The following LLGL2 variants were observed in gnomAD, a reference collection of about 807,000 sequenced individuals.
The protein encoded by LLGL2 is LLGL scribble cell polarity complex component 2.
Under a neutral mutation model 123.2 loss-of-function variants are expected in LLGL2, and 81 were observed. That is an observed-to-expected ratio of 0.66 (90% CI 0.55 to 0.79). The LOEUF is 0.79. LLGL2 is among the 30% of genes least tolerant of loss of function. The pLI is 0.00. For missense variants in LLGL2, 1,273 were observed against 1,414.6 expected (o/e 0.90, Z 1.61); for synonymous variants, 577 against 594.1 (o/e 0.97, Z 0.42).
In LLGL2 at chr17:75,549,906, C is replaced by T. The variant is rs9910576; in HGVS notation, c.76-6140C>T. Among the ~76,000 whole-genome samples the T allele has an allele frequency of 0.32, 48,769 of 152,160 alleles. 8,785 individuals are homozygous for T. Among genetic ancestry groups the T allele is most frequent in the South Asian group, 0.57 (2,769 of 4,828 alleles). ...GCCCAGGAGAGACGGGCCTTCTCCC[C>T]TACTCCAGGCTAACGTTGCAGTCTG... On this transcript the variant is annotated intron_variant, in intron 2 of 25. Transcript: ENST00000392550. The surrounding 1 kb of genome is among the most constrained non-coding windows in gnomAD (Gnocchi z 4.0).
At position 75,569,090 on chromosome 17, in the gene LLGL2, T is replaced by C. The variant is rs1671021; in HGVS notation, c.1435T>C (p.Phe479Leu). The C allele has an allele frequency of 0.38, 615,932 of 1,612,362 alleles. 128,083 individuals carry two copies. Among genetic ancestry groups the C allele is most frequent in the African/African-American group, 0.84 (62,762 of 74,970 alleles). The change falls in exon 13 of 26, where the codon TTC becomes CTC. Residue 479 changes from phenylalanine to leucine, a missense_variant. Physicochemically the swap from Phe to Leu is conservative, Grantham distance 22. Transcript: ENST00000392550. The part of the protein sequence containing the change: ...FLTDTDPNEN[F>L]SAQGEDEWPP... ...CACCGACACGGACCCCAACGAGAAC[T>C]TCAGTGCCCAGGGCGAGGACGAGTG...
chr17:75,534,745 TG>T (rs2053937886), intron 1 of LLGL2, among the ~76,000 whole-genome samples: 1 of 152,188 alleles, frequency 6.6e-6, no homozygotes, highest in Admixed American at 6.5e-5. Context: ...CCTCCCAAAG[TG>T]CTGGGATTAC....
intron 1 of LLGL2, among the ~76,000 whole-genome samples, chr17:75,535,562 C>T (rs1057152535): frequency 3.9e-5 from 6 of 152,238 alleles, no homozygotes; most frequent in African/African-American, 1.4e-4. Context: ...TTGGCCAAGC[C>T]TTGGTCTCAC....
At chr17:75,560,327 C>A (rs1327056578) in intron 6 of LLGL2, among the ~76,000 whole-genome samples, 1 of 152,242 alleles carries the variant, frequency 6.6e-6, no homozygotes, top group Non-Finnish European at 1.5e-5. Context: ...CACAGTGGGA[C>A]ACAGCCTGTG....
chr17:75,573,841 T>G, intron 21 of LLGL2, 111 bp from the exon 22 acceptor site: 3 of 1,370,266 alleles, frequency 2.2e-6, no homozygotes, highest in Middle Eastern at 3.6e-4. Flanking sequence ...CCTCCCAGGC[T>G]CTCCGGCTCA....
At position 75,556,153 on chromosome 17, in the gene LLGL2, G is replaced by A. The variant is rs568230637; in HGVS notation, c.173+10G>A. The A allele has an allele frequency of 2.7e-4, 434 of 1,603,376 alleles. 1 individual carries two copies. In the South Asian group the frequency reaches 4.0e-3, roughly 15 times the overall value. On this transcript the variant is annotated intron_variant, in intron 3 of 25. Coordinates refer to ENST00000392550, the MANE Select transcript of LLGL2 (RefSeq NM_001031803.2). ...CTGGAGCCATCAAGCTGTATCCTCCGTCCCCTCGCTCCCACTCGGGCAGGG... is the reference window on the plus strand; with the variant it reads ...CTGGAGCCATCAAGCTGTATCCTCCATCCCCTCGCTCCCACTCGGGCAGGG...
chr17:75,564,402 G>A lies in LLGL2; in HGVS notation c.931G>A (p.Asp311Asn). ...TGGCATGCCACGGGCCAGCTACGGG[G>A]ACCGCCACTGCATCTCAGTGATCCA... ...QGGMPRASYG[D>N]RHCISVIHDG... Residue 311 changes from aspartate (D) to asparagine (N), a missense_variant, in exon 10 of 26, where the codon GAC (aspartate) becomes AAC (asparagine). Coordinates refer to ENST00000392550, the MANE Select transcript of LLGL2 (RefSeq NM_001031803.2). This position sits in a 1 kb window ranked among gnomAD's most constrained non-coding sequence, Gnocchi z 4.9. 6.2e-7 allele frequency: 1 copy of A among 1,613,036 alleles called. No individual in the cohort carries two copies. The highest frequency in any genetic ancestry group is 8.5e-7 in the Non-Finnish European group (1 of 1,179,960).
rs1164992162 is a variant in LLGL2 at position 75,564,490 on chromosome 17, A to G, written c.1019A>G (p.Glu340Gly). Reference protein sequence around the residue: ...SRVIGFTVLTEADPAATFDDP... With the variant: ...SRVIGFTVLTGADPAATFDDP... The stretch of plus-strand genomic sequence containing the variant: ...GTCATCGGCTTCACTGTCCTCACAG[A>G]GGCAGACCCTGCAGCCAGTAGGAGA... The change falls in exon 10 of 26, where the codon GAG (glutamate) becomes GGG (glycine). Residue 340 changes from glutamate (E) to glycine (G), a missense_variant. By Grantham distance (98) the Glu-to-Gly change is moderately conservative. Coordinates refer to ENST00000392550, the MANE Select transcript of LLGL2 (RefSeq NM_001031803.2). This position sits in a 1 kb window ranked among gnomAD's most constrained non-coding sequence, Gnocchi z 4.9. The G allele has an allele frequency of 5.0e-6, 8 of 1,612,922 alleles. No individual in the cohort carries two copies. The East Asian group carries it at 1.1e-4, about 22-fold the overall frequency.
Position 75,525,712 on chromosome 17 carries a change from A to C in LLGL2, c.-144A>C, listed in dbSNP as rs910546665. On this transcript the variant is annotated 5_prime_UTR_variant, in exon 1 of 26. Transcript: ENST00000392550. This position sits in a 1 kb window ranked among gnomAD's most constrained non-coding sequence, Gnocchi z 4.8. ...CAGGCTCGCCGCGCCGGAGGTGAGC[A>C]GGAAGGAGACGGCCGCCCAGCAGCC... 2.7e-5 allele frequency: 4 copies of C among 150,654 alleles called. No homozygotes were observed. Among genetic ancestry groups the C allele is most frequent in the East Asian group, 2.0e-4 (1 of 5,118 alleles). 9.3% of individuals were successfully genotyped at this position (150,654 alleles called of 1,614,324 possible).
At chr17:75,550,507 G>C (rs549956705) in intron 2 of LLGL2, among the ~76,000 whole-genome samples, 2 of 152,092 alleles carry the variant, frequency 1.3e-5, no homozygotes, top group African/African-American at 2.4e-5. Flanking sequence ...GGGGCAGGCC[G>C]GGCGCGGTGG....
intron 1 of LLGL2, among the ~76,000 whole-genome samples, chr17:75,538,317 T>C (rs1397138808): frequency 6.6e-6 from 1 of 152,160 alleles, no homozygotes; most frequent in Non-Finnish European, 1.5e-5. Flanking sequence ...AGGCCCACTT[T>C]GTCATCTCTC....
chr17:75,537,261 G>C (rs908937708), intron 1 of LLGL2, among the ~76,000 whole-genome samples: 10 of 152,198 alleles, frequency 6.6e-5, no homozygotes, highest in African/African-American at 2.4e-4. Context: ...CAGGAGACAT[G>C]CATGAGCCTG....
chr17:75,545,302 C>A (rs1045223008), intron 2 of LLGL2, among the ~76,000 whole-genome samples: 3 of 152,156 alleles, frequency 2.0e-5, no homozygotes, highest in African/African-American at 7.2e-5. Flanking sequence ...CTTCTTCTTT[C>A]CATTCATATG....
Position 75,563,823 on chromosome 17 carries a change from G to T in LLGL2, c.881+17G>T. The stretch of plus-strand genomic sequence containing the variant: ...TAGGCAGGGGTAGGTATCCATGCTG[G>T]TCCTCTTTCCTCTCCAGAGCCTTCC... On this transcript the variant is annotated intron_variant, in intron 9 of 25. Coordinates refer to ENST00000392550, the MANE Select transcript of LLGL2 (RefSeq NM_001031803.2). 1 of 1,613,354 alleles carries T rather than the reference G, an allele frequency of 6.2e-7. No homozygotes were observed. Among genetic ancestry groups the T allele is most frequent in the Non-Finnish European group, 8.5e-7 (1 of 1,179,662 alleles).
chr17:75,563,127 C>T lies in LLGL2; in HGVS notation c.642C>T (p.Val214=), dbSNP rs543251004. 22 of 1,613,208 alleles carry T rather than the reference C, an allele frequency of 1.4e-5. No homozygotes were observed. In the South Asian group the frequency reaches 1.5e-4, roughly 11 times the overall value. Residue 214 remains valine (V), a synonymous_variant, in exon 7 of 26, where the codon GTC becomes GTT. Transcript: ENST00000392550. ...ILIGYSRGLV[V]IWDLQGSRVL... ...TCGGCTACAGCCGAGGCCTCGTTGT[C>T]ATCTGGGACCTACAGGGCAGCCGCG...
At chr17:75,532,242 A>G (rs1041114844) in intron 1 of LLGL2, among the ~76,000 whole-genome samples, 1 of 151,606 alleles carries the variant, frequency 6.6e-6, no homozygotes, top group Non-Finnish European at 1.5e-5. Context: ...AGCTGCTACC[A>G]TGCCCAGCTA....
intron 10 of LLGL2, among the ~76,000 whole-genome samples, chr17:75,565,736 C>T (rs947221680): frequency 1.1e-4 from 16 of 152,200 alleles, no homozygotes; most frequent in Non-Finnish European, 1.8e-4. Flanking sequence ...CCCGCAGTCC[C>T]GCAGGCCAGG....
intron 10 of LLGL2, chr17:75,568,267 C>G (rs1042117754): frequency 1.3e-5 from 18 of 1,428,184 alleles, no homozygotes; most frequent in Non-Finnish European, 1.6e-5. Context: ...AGCCCTGTGC[C>G]AGGGAGCTCT....
chr17:75,548,141 C>G (rs1258189943), intron 2 of LLGL2, among the ~76,000 whole-genome samples: 1 of 152,024 alleles, frequency 6.6e-6, no homozygotes, highest in Admixed American at 6.6e-5. Context: ...GCAAATATTC[C>G]GAAACCCAAA....
Sources: gnomAD v4.1 joint callset for allele counts (sites outside exome capture counted in the v4.1 genomes callset) on GRCh38, gnomAD v4.1.1 for gene constraint, Gnocchi (gnomAD v3.1) non-coding constraint, MANE v1.5 for transcripts, NCBI Gene and HGNC (gene_info 2026-07-23, HGNC 2026-07-21) for gene names.